Variants in EML4 observed in about 807,000 individuals in gnomAD.
EML4 encodes the protein echinoderm microtubule-associated protein-like 4.
A neutral mutation model predicts 129.0 loss-of-function variants in EML4; 72 were observed. That is an observed-to-expected ratio of 0.56 (90% CI 0.46 to 0.68). EML4 has a LOEUF of 0.68. EML4 is among the 30% of genes least tolerant of loss of function. The pLI is 0.00. For missense variants in EML4, 1,363 were observed against 1,190.6 expected (o/e 1.14, Z -2.13); for synonymous variants, 532 against 405.0 (o/e 1.31, Z -3.77).
intron 4 of EML4, among the ~76,000 whole-genome samples, chr2:42,262,898 A>C (rs1398549749): frequency 2.6e-5 from 4 of 152,214 alleles, no homozygotes; most frequent in Non-Finnish European, 4.4e-5. Flanking sequence ...CTCAGATGTA[A>C]GGAAATAATT....
chr2:42,187,845 A>G (rs545495551), intron 1 of EML4, among the ~76,000 whole-genome samples: 11 of 152,248 alleles, frequency 7.2e-5, no homozygotes, highest in African/African-American at 2.6e-4. Flanking sequence ...AAATCCATTT[A>G]TCAGTTTATT....
chr2:42,211,100 A>C (rs191291265), intron 1 of EML4, among the ~76,000 whole-genome samples: 1 of 152,328 alleles, frequency 6.6e-6, no homozygotes, highest in African/African-American at 2.4e-5. Context: ...ATTTGCTTTA[A>C]CATTGATTGA....
At chr2:42,311,734 C>T (rs1362316227) in intron 17 of EML4, among the ~76,000 whole-genome samples, 1 of 150,230 alleles carries the variant, frequency 6.7e-6, no homozygotes, top group Non-Finnish European at 1.5e-5. Flanking sequence ...CATTTCTAGG[C>T]CCAGAAGAAT....
chr2:42,296,034 T>C (rs1667928309), intron 13 of EML4, among the ~76,000 whole-genome samples: 1 of 152,206 alleles, frequency 6.6e-6, no homozygotes, highest in African/African-American at 2.4e-5. Context: ...ATTCTTAAGT[T>C]TTATTTGCAC....
chr2:42,295,161 C>A lies in EML4; in HGVS notation c.1255C>A (p.Pro419Thr), dbSNP rs1282323868. The change falls in exon 12 of 23, where the codon CCA (proline) becomes ACA (threonine). Residue 419 changes from proline (P) to threonine (T), a missense_variant. Pro to Thr is a conservative substitution (Grantham distance 38). Coordinates refer to ENST00000318522, the MANE Select transcript of EML4 (RefSeq NM_019063.5). Reference sequence around the variant, plus strand: ...AGTTGTTTTGGCTGTGGAGTTTCACCCAACAGATGCAAATACCATAATTAC... The same window carrying A: ...AGTTGTTTTGGCTGTGGAGTTTCACACAACAGATGCAAATACCATAATTAC... ...NEVVLAVEFH[P>T]TDANTIITCG... 2.5e-6 allele frequency: 4 copies of A among 1,611,912 alleles called. No individual in the cohort carries two copies. Among genetic ancestry groups the A allele is most frequent in the Non-Finnish European group, 3.4e-6 (4 of 1,179,394 alleles).
At chr2:42,199,097 A>G (rs1413894406) in intron 1 of EML4, among the ~76,000 whole-genome samples, 1 of 152,252 alleles carries the variant, frequency 6.6e-6, no homozygotes, top group Non-Finnish European at 1.5e-5. Context: ...CATTAACACC[A>G]AAAGTTTCCA....
Position 42,282,849 on chromosome 2 carries a change from G to A in EML4, c.818G>A (p.Arg273Lys). ...TATGGTTATCGAGGAAAGGACTGTAGAGCTAATGTTTACCTTCTTCCGACC... is the reference window on the plus strand; with the variant it reads ...TATGGTTATCGAGGAAAGGACTGTAAAGCTAATGTTTACCTTCTTCCGACC... ...WAYGYRGKDCRANVYLLPTGK... is the reference protein window; with the variant it reads ...WAYGYRGKDCKANVYLLPTGK... Residue 273 changes from arginine to lysine, a missense_variant, in exon 8 of 23, where the codon AGA becomes AAA. Arg to Lys is a conservative substitution (Grantham distance 26). Transcript: ENST00000318522. The A allele has an allele frequency of 6.2e-7, 1 of 1,613,152 alleles. No homozygotes were observed. Among genetic ancestry groups the A allele is most frequent in the South Asian group, 1.1e-5 (1 of 91,032 alleles).
rs1670096374 is a variant in EML4, at chr2:42,331,470, T to TA, written c.*1264dup. ...GTACATTTCCTACTTTAAGAGTAAT[T>TA]ACTGACAAATATGTATTTCCTATAT... On this transcript the variant is annotated 3_prime_UTR_variant, in exon 23 of 23. Transcript: ENST00000318522. 1.8e-5 allele frequency: 4 copies of TA among 223,202 alleles called. No homozygotes were observed. The East Asian group carries it at 2.6e-4, about 15-fold the overall frequency. 13.8% of individuals were successfully genotyped at this position (223,202 alleles called of 1,614,324 possible).
At chr2:42,276,054 GA>G (rs2104442609) in intron 6 of EML4, among the ~76,000 whole-genome samples, 1 of 152,228 alleles carries the variant, frequency 6.6e-6, no homozygotes, top group South Asian at 2.1e-4. Context: ...AGAATCTCAG[GA>G]AAAAGTTTGC....
intron 6 of EML4, among the ~76,000 whole-genome samples, chr2:42,276,283 A>G (rs1233103729): frequency 6.6e-6 from 1 of 152,084 alleles, no homozygotes; most frequent in Non-Finnish European, 1.5e-5. Context: ...TAGATTTTCT[A>G]TTTCTTTTGA....
At chr2:42,262,448 C>G (rs1267856127) in intron 4 of EML4, among the ~76,000 whole-genome samples, 3 of 152,076 alleles carry the variant, frequency 2.0e-5, no homozygotes, top group Admixed American at 6.5e-5. Context: ...TCTGATTTCA[C>G]TTGATATCTT....
In EML4 at chr2:42,169,446, G is replaced by A; in HGVS notation, c.-166G>A. The A allele has an allele frequency of 1.5e-6, 1 of 651,068 alleles. No homozygotes were observed. The allele number at this position is 651,068 out of a possible 1,614,324, so 40.3% of individuals were successfully genotyped here. A position where few individuals can be genotyped will look rare whatever the true frequency, so the allele number is the denominator to read the frequency against. On this transcript the variant is annotated 5_prime_UTR_variant, in exon 1 of 23. Coordinates refer to ENST00000318522, the MANE Select transcript of EML4 (RefSeq NM_019063.5). ...ACGGGGAAGTGGTTCGGGCGGCCGCGGCTTACTACCCCAGGGCGAACGGAC... is the reference window on the plus strand; with the variant it reads ...ACGGGGAAGTGGTTCGGGCGGCCGCAGCTTACTACCCCAGGGCGAACGGAC...
Position 42,263,291 on chromosome 2 carries a change from C to A in EML4, c.626C>A (p.Thr209Asn). ...ACACCCAAATTAATACCAAAAGTTACCAAAACTGCAGACAAGTAAGTATTG... is the reference window on the plus strand; with the variant it reads ...ACACCCAAATTAATACCAAAAGTTAACAAAACTGCAGACAAGTAAGTATTG... Reference protein sequence around the residue: ...PSTPKLIPKVTKTADKHKDVI... With the variant: ...PSTPKLIPKVNKTADKHKDVI... Residue 209 changes from threonine to asparagine, a missense_variant, in exon 5 of 23, where the codon ACC (threonine) becomes AAC (asparagine). Thr to Asn is a moderately conservative substitution (Grantham distance 65, BLOSUM62 0). Transcript: ENST00000318522. 6.2e-7 allele frequency: 1 copy of A among 1,609,900 alleles called. No homozygotes were observed. Among genetic ancestry groups the A allele is most frequent in the Non-Finnish European group, 8.5e-7 (1 of 1,178,272 alleles).
chr2:42,173,211 T>C (rs1045942928), intron 1 of EML4, among the ~76,000 whole-genome samples: 1 of 152,250 alleles, frequency 6.6e-6, no homozygotes, highest in Non-Finnish European at 1.5e-5. Context: ...TCTTGCTTTC[T>C]TAAAGGAACA....
chr2:42,245,812 C>T (rs1003372283), intron 2 of EML4, 125 bp downstream of exon 2: 29 of 923,068 alleles, frequency 3.1e-5, no homozygotes, highest in East Asian at 1.6e-4. Context: ...TTTTCCATTT[C>T]GTTTTTTTAA....
At chr2:42,207,024 T>A (rs1171412820) in intron 1 of EML4, among the ~76,000 whole-genome samples, 4 of 152,212 alleles carry the variant, frequency 2.6e-5, no homozygotes, top group African/African-American at 9.6e-5. Context: ...ATTTGTGAGA[T>A]GAAATGAGAC....
At chr2:42,189,379 G>T (rs1181735170) in intron 1 of EML4, among the ~76,000 whole-genome samples, 1 of 152,136 alleles carries the variant, frequency 6.6e-6, no homozygotes, top group Non-Finnish European at 1.5e-5. Context: ...TTGAGTTCAA[G>T]ACCAGCCTGG....
chr2:42,273,881 A>C (rs1174265237), intron 6 of EML4, among the ~76,000 whole-genome samples: 4 of 152,174 alleles, frequency 2.6e-5, no homozygotes, highest in African/African-American at 9.7e-5. Flanking sequence ...AAATCCAAAC[A>C]TGCTTACAGA....
chr2:42,178,389 A>C (rs948938865), intron 1 of EML4, among the ~76,000 whole-genome samples: 10 of 151,886 alleles, frequency 6.6e-5, no homozygotes, highest in East Asian at 5.8e-4. Flanking sequence ...CCAAAAAAAA[A>C]AAACAAACAA....
Sources: allele counts gnomAD v4.1 joint callset (sites outside exome capture counted in the v4.1 genomes callset), GRCh38; gene constraint gnomAD v4.1.1; transcripts MANE v1.5; gene names NCBI Gene and HGNC (gene_info 2026-07-23, HGNC 2026-07-21).